Variants in GRB10 observed in about 807,000 individuals in gnomAD.
GRB10 encodes growth factor receptor-bound protein 10.
GRB10 carries 20 observed loss-of-function variants against 80.9 expected under a neutral mutation model. That is an observed-to-expected ratio of 0.25 (90% CI 0.17 to 0.36). The LOEUF is 0.36. Among genes scored for constraint, GRB10 ranks in the 10% least tolerant of loss-of-function variants. GRB10 has a pLI of 1.00. For synonymous variants in GRB10, 291 were observed against 291.5 expected, an observed-to-expected ratio of 1.00 and a Z score of 0.02; for missense variants, 548 against 747.7, an observed-to-expected ratio of 0.73 and a Z score of 3.12.
intron 5 of GRB10, among the ~76,000 whole-genome samples, chr7:50,679,308 C>T (rs904411652): frequency 4.6e-5 from 7 of 152,114 alleles, no homozygotes; most frequent in African/African-American, 1.4e-4. Flanking sequence ...TAAATCATCA[C>T]GAGTAAATGT....
At chr7:50,618,609 T>C (rs1377638645) in intron 9 of GRB10, among the ~76,000 whole-genome samples, 1 of 152,350 alleles carries the variant, frequency 6.6e-6, no homozygotes, top group African/African-American at 2.4e-5. Context: ...TTCTCCCCAG[T>C]TGATGCAGCT....
intron 5 of GRB10, among the ~76,000 whole-genome samples, chr7:50,681,798 C>T (rs552083474): frequency 6.6e-6 from 1 of 152,352 alleles, no homozygotes; most frequent in African/African-American, 2.4e-5. Flanking sequence ...GGGCTGCACC[C>T]TTGCCTTCCA....
chr7:50,765,294 T>C (rs979281288), intron 2 of GRB10, among the ~76,000 whole-genome samples: 10 of 152,350 alleles, frequency 6.6e-5, no homozygotes, highest in African/African-American at 2.4e-4. Flanking sequence ...AACTATCATA[T>C]GATCCAGCAA....
chr7:50,634,183 G>A (rs1422385094), intron 7 of GRB10, among the ~76,000 whole-genome samples: 1 of 152,198 alleles, frequency 6.6e-6, no homozygotes, highest in African/African-American at 2.4e-5. Context: ...TAGACTAACA[G>A]TGGACTTCTC....
At chr7:50,636,444 C>A (rs1563239231) in intron 7 of GRB10, among the ~76,000 whole-genome samples, 2 of 152,078 alleles carry the variant, frequency 1.3e-5, no homozygotes, top group Non-Finnish European at 2.9e-5. Flanking sequence ...TACTGCAGGC[C>A]AATATCCCTT....
intron 3 of GRB10, among the ~76,000 whole-genome samples, chr7:50,739,951 C>T (rs1587716856): frequency 6.6e-6 from 1 of 152,210 alleles, no homozygotes; most frequent in Admixed American, 6.5e-5. Flanking sequence ...CTGTGACTCC[C>T]GCTCTTTGAA....
chr7:50,764,069 C>A (rs2076070453), intron 2 of GRB10, among the ~76,000 whole-genome samples: 2 of 152,250 alleles, frequency 1.3e-5, no homozygotes, highest in Non-Finnish European at 2.9e-5. Context: ...AGACTCTATC[C>A]TCCCTCATGG....
intron 3 of GRB10, among the ~76,000 whole-genome samples, chr7:50,752,848 C>T (rs1562615799): frequency 1.3e-5 from 2 of 152,288 alleles, no homozygotes; most frequent in African/African-American, 2.4e-5. Flanking sequence ...CCCATGAGAA[C>T]AAGACAAGTA....
At chr7:50,670,964 T>C (rs1586676250) in intron 6 of GRB10, among the ~76,000 whole-genome samples, 1 of 152,092 alleles carries the variant, frequency 6.6e-6, no homozygotes. Flanking sequence ...CTCCGAAAAA[T>C]GCACAACCCA....
At position 50,676,344 on chromosome 7, in the gene GRB10, G is replaced by GGGGGGCGGGGGC. The variant is rs1563400757; in HGVS notation, c.140-1687_140-1686insGCCCCCGCCCCC. Among the ~76,000 whole-genome samples, 144 of 135,946 alleles carry GGGGGGCGGGGGC rather than the reference G, an allele frequency of 1.1e-3. 4 individuals carry two copies. The highest frequency in any genetic ancestry group is 1.7e-3 in the Non-Finnish European group (102 of 59,650). The allele number at this position is 135,946 out of a possible 152,430, so 89.2% of individuals were successfully genotyped here. On this transcript the variant is annotated intron_variant, in intron 5 of 18. Transcript: ENST00000401949. ...ATAGTGTCCACCCCACCGGGGGGGG[G>GGGGGGCGGGGGC]GGGGGGTTGTAAGGACTAGGTTAGT...
intron 4 of GRB10, among the ~76,000 whole-genome samples, chr7:50,721,411 A>ATGAT: frequency 6.6e-6 from 1 of 152,368 alleles, no homozygotes; most frequent in South Asian, 2.1e-4. Flanking sequence ...AGTGATCATC[A>ATGAT]GATCAACTGC....
intron 7 of GRB10, among the ~76,000 whole-genome samples, chr7:50,628,032 T>A (rs1431219529): frequency 6.6e-6 from 1 of 152,118 alleles, no homozygotes; most frequent in Non-Finnish European, 1.5e-5. Context: ...CCCACTCCCA[T>A]ACGACAAGAC....
intron 2 of GRB10, among the ~76,000 whole-genome samples, chr7:50,760,126 G>A (rs575081801): frequency 6.6e-6 from 1 of 152,282 alleles, no homozygotes; most frequent in East Asian, 1.9e-4. Context: ...AGCACAGGGA[G>A]GTCAGAGGCT....
chr7:50,639,879 T>C (rs2055883762), intron 7 of GRB10, among the ~76,000 whole-genome samples: 1 of 152,232 alleles, frequency 6.6e-6, no homozygotes, highest in Non-Finnish European at 1.5e-5. Context: ...CTAAAATGGA[T>C]ATGCATAGCC....
At chr7:50,739,953 C>T (rs567990252) in intron 3 of GRB10, among the ~76,000 whole-genome samples, 24 of 152,324 alleles carry the variant, frequency 1.6e-4, no homozygotes, top group African/African-American at 5.5e-4. Context: ...GTGACTCCCG[C>T]TCTTTGAAAA....
chr7:50,610,992 CT>C (rs11349157), intron 13 of GRB10, among the ~76,000 whole-genome samples: 19,313 of 147,426 alleles, frequency 0.13, 1,430 homozygotes, highest in Non-Finnish European at 0.18. Context: ...TTTTCATTTC[CT>C]TTTTTTTTTG....
intron 7 of GRB10, among the ~76,000 whole-genome samples, chr7:50,666,812 G>C (rs928145203): frequency 1.3e-5 from 2 of 152,036 alleles, no homozygotes; most frequent in Admixed American, 1.3e-4. Flanking sequence ...AGGCCGAGGT[G>C]GGCGGATCAC....
At chr7:50,761,135 C>T (rs546641450) in intron 2 of GRB10, among the ~76,000 whole-genome samples, 5 of 152,278 alleles carry the variant, frequency 3.3e-5, no homozygotes, top group Non-Finnish European at 5.9e-5. Context: ...GGCTAGGAGA[C>T]GGTAATTATA....
chr7:50,732,037 G>T (rs372845429), intron 4 of GRB10, among the ~76,000 whole-genome samples: 2 of 152,212 alleles, frequency 1.3e-5, no homozygotes. Flanking sequence ...AGAAAAGTAC[G>T]CACAGTCAAA....
Sources: allele counts gnomAD v4.1 joint callset (sites outside exome capture counted in the v4.1 genomes callset), GRCh38; gene constraint gnomAD v4.1.1; transcripts MANE v1.5; gene names NCBI Gene and HGNC (gene_info 2026-07-23, HGNC 2026-07-21).